Variants in F13A1 observed in about 807,000 individuals in gnomAD.
F13A1 encodes coagulation factor XIII A chain.
F13A1 carries 47 observed loss-of-function variants against 80.1 expected under a neutral mutation model. The ratio of observed to expected loss-of-function variants is 0.59; its 90% CI spans 0.46 to 0.75. F13A1 has a LOEUF of 0.75. Among genes scored for constraint, F13A1 ranks in the 30% least tolerant of loss-of-function variants. The pLI is 0.00. For missense variants in F13A1, 817 were observed against 930.4 expected, an observed-to-expected ratio of 0.88 and a Z score of 1.59; for synonymous variants, 349 against 344.9, an observed-to-expected ratio of 1.01 and a Z score of -0.13.
chr6:6,220,573 G>T (rs1235805198), intron 8 of F13A1, among the ~76,000 whole-genome samples: 1 of 151,880 alleles, frequency 6.6e-6, no homozygotes, highest in Non-Finnish European at 1.5e-5. Context: ...CTGTCTGTGT[G>T]TGTGTGTGTG....
At chr6:6,238,214 T>C (rs1757438282) in intron 6 of F13A1, among the ~76,000 whole-genome samples, 1 of 152,044 alleles carries the variant, frequency 6.6e-6, no homozygotes, top group South Asian at 2.1e-4. Flanking sequence ...ATGAAGAAAA[T>C]GACAGTCTTT....
chr6:6,204,259 TAAAAG>T (rs1761448645), intron 8 of F13A1, among the ~76,000 whole-genome samples: 1 of 152,218 alleles, frequency 6.6e-6, no homozygotes, highest in Non-Finnish European at 1.5e-5. Flanking sequence ...AAGGAGTTCT[TAAAAG>T]GGAAGAAAGA....
intron 13 of F13A1, among the ~76,000 whole-genome samples, chr6:6,160,744 A>G (rs6918368): frequency 0.44 from 67,412 of 151,954 alleles, 15,685 homozygotes; most frequent in African/African-American, 0.6. Context: ...GACTAAATAA[A>G]GAGATAAATA....
At chr6:6,173,887 C>T (rs775399698) in intron 12 of F13A1, among the ~76,000 whole-genome samples, 22 of 152,176 alleles carry the variant, frequency 1.4e-4, no homozygotes, top group Middle Eastern at 3.4e-3. Context: ...TGCTTGGGAT[C>T]TTGTCAAAAC....
chr6:6,224,134 G>A (rs78677193), intron 7 of F13A1, among the ~76,000 whole-genome samples: 1 of 152,080 alleles, frequency 6.6e-6, no homozygotes, highest in Non-Finnish European at 1.5e-5. Flanking sequence ...GGGAAAGATT[G>A]TTCATTATGT....
Position 6,295,659 on chromosome 6 carries a change from G to A in F13A1, c.319+9692C>T, listed in dbSNP as rs1309449560. ...TCTGGATATTAGCCCTTTGTCAGAT[G>A]AGTAGGTTGCAAAAATTTTCTCCCA... is the stretch of plus-strand genomic sequence containing the variant. On this transcript the variant is annotated intron_variant, in intron 3 of 14. Coordinates refer to ENST00000264870, the MANE Select transcript of F13A1 (RefSeq NM_000129.4). 6.9e-4 allele frequency among the ~76,000 whole-genome samples: 99 copies of A among 144,124 alleles called. 1 individual carries two copies. The highest frequency in any genetic ancestry group is 1.2e-3 in the Non-Finnish European group (78 of 67,292). 94.6% of individuals were successfully genotyped at this position (144,124 alleles called of 152,430 possible).
chr6:6,296,589 T>C (rs1758331823), intron 3 of F13A1, among the ~76,000 whole-genome samples: 1 of 150,712 alleles, frequency 6.6e-6, no homozygotes, highest in Non-Finnish European at 1.5e-5. Flanking sequence ...TTTTTGTACA[T>C]TGATTTTGTA....
chr6:6,209,523 A>G (rs572469225), intron 8 of F13A1, among the ~76,000 whole-genome samples: 4 of 152,314 alleles, frequency 2.6e-5, no homozygotes, highest in Admixed American at 2.6e-4. Flanking sequence ...AATAAAAAAC[A>G]TATGTTCACA....
intron 3 of F13A1, 175 bp downstream of exon 3, chr6:6,305,176 T>G (rs932322571): frequency 1.4e-6 from 1 of 728,006 alleles, no homozygotes; most frequent in Non-Finnish European, 2.4e-6. Flanking sequence ...GTTATCAATA[T>G]TTGGCACTAT....
intron 10 of F13A1, among the ~76,000 whole-genome samples, chr6:6,186,729 A>C (rs2151078777): frequency 6.6e-6 from 1 of 152,078 alleles, no homozygotes; most frequent in African/African-American, 2.4e-5. Flanking sequence ...TTCCATATGA[A>C]CTTTAAAGTA....
intron 6 of F13A1, among the ~76,000 whole-genome samples, chr6:6,237,369 C>A (rs545859729): frequency 1.3e-5 from 2 of 152,122 alleles, no homozygotes; most frequent in Non-Finnish European, 2.9e-5. Flanking sequence ...CCTTGCCTGG[C>A]TCTTCATCCT....
At chr6:6,303,792 C>T (rs780907714) in intron 3 of F13A1, among the ~76,000 whole-genome samples, 5 of 152,006 alleles carry the variant, frequency 3.3e-5, no homozygotes, top group Admixed American at 6.5e-5. Flanking sequence ...ATATAGGTTG[C>T]GTGTTCAGGT....
At chr6:6,305,296 T>A in intron 3 of F13A1, 55 bp downstream of exon 3, 1 of 1,595,274 alleles carries the variant, frequency 6.3e-7, no homozygotes, top group Non-Finnish European at 8.6e-7. Flanking sequence ...TGTACCCACC[T>A]CTCTCTACAA....
In F13A1 at chr6:6,174,678, A is replaced by G; in HGVS notation, c.1649T>C (p.Ile550Thr). ...FRNNSHNRYTITAYLSANITF... is the reference protein window; with the variant it reads ...FRNNSHNRYTTTAYLSANITF... ...GATGTTGGCTGAGAGATAAGCTGTG[A>G]TGGTGTAACGGTTGTGGCTGTTGTT... Residue 550 changes from isoleucine (I) to threonine (T), a missense_variant, in exon 12 of 15, where the codon ATC becomes ACC. Coordinates refer to ENST00000264870, the MANE Select transcript of F13A1 (RefSeq NM_000129.4). The G allele has an allele frequency of 6.2e-7, 1 of 1,614,172 alleles. No homozygotes were observed. Among genetic ancestry groups the G allele is most frequent in the Non-Finnish European group, 8.5e-7 (1 of 1,180,030 alleles).
intron 12 of F13A1, among the ~76,000 whole-genome samples, chr6:6,170,800 T>G (rs1246691729): frequency 6.6e-6 from 1 of 152,150 alleles, no homozygotes; most frequent in African/African-American, 2.4e-5. Flanking sequence ...TAAGAATGCT[T>G]GATCAAGGCC....
In F13A1 at chr6:6,225,661, G is replaced by A. The variant is rs74612010; in HGVS notation, c.799-801C>T. 0.016 allele frequency among the ~76,000 whole-genome samples: 2,360 copies of A among 151,854 alleles called. 384 individuals carry two copies. The East Asian group carries it at 0.39, about 25-fold the overall frequency. ...TAGCTAGGACTACAGGTGTATGCTC[G>A]GCTAATTAAATTTATTTTTTTTGTA... On this transcript the variant is annotated intron_variant, in intron 6 of 14. Transcript: ENST00000264870.
rs111842240 is a variant in F13A1, at chr6:6,199,766, G to A, written c.1113-2440C>T. On this transcript the variant is annotated intron_variant, in intron 8 of 14. Coordinates refer to ENST00000264870, the MANE Select transcript of F13A1 (RefSeq NM_000129.4). Reference sequence around the variant, plus strand: ...GATCTAAATTTGCAAATCTCTGTTCGTGGAAGATGGATGGAGAGGCAAGGC... The same window carrying A: ...GATCTAAATTTGCAAATCTCTGTTCATGGAAGATGGATGGAGAGGCAAGGC... Among the ~76,000 whole-genome samples the A allele has an allele frequency of 8.6e-3, 1,311 of 152,270 alleles. 17 individuals carry two copies. The highest frequency in any genetic ancestry group is 0.03 in the African/African-American group (1,253 of 41,542).
intron 4 of F13A1, among the ~76,000 whole-genome samples, chr6:6,263,095 G>T (rs1297302920): frequency 6.6e-6 from 1 of 152,132 alleles, no homozygotes; most frequent in Non-Finnish European, 1.5e-5. Context: ...TCTCTTTCCT[G>T]GTTCCTCTCC....
chr6:6,305,333 CT>C lies in F13A1; in HGVS notation c.319+17del, dbSNP rs759035724. 1 of 1,614,022 alleles carries C rather than the reference CT, an allele frequency of 6.2e-7. No homozygotes were observed. The highest frequency in any genetic ancestry group is 8.5e-7 in the Non-Finnish European group (1 of 1,179,880). ...GCAACCCATGGTGTCAAGACTGGAG[CT>C]TGCACATGGCACTCACCAATGACGT... On this transcript the variant is annotated intron_variant, in intron 3 of 14. Coordinates refer to ENST00000264870, the MANE Select transcript of F13A1 (RefSeq NM_000129.4).
Sources: gnomAD v4.1 joint callset for allele counts (sites outside exome capture counted in the v4.1 genomes callset) on GRCh38, gnomAD v4.1.1 for gene constraint, MANE v1.5 for transcripts, NCBI Gene and HGNC (gene_info 2026-07-23, HGNC 2026-07-21) for gene names.